MED27: variants seen among roughly 807,000 people sequenced by gnomAD.
The protein encoded by MED27 is mediator of RNA polymerase II transcription subunit 27.
MED27 carries 30 observed loss-of-function variants against 38.2 expected under a neutral mutation model. The observed-to-expected ratio is 0.79, with a 90% confidence interval of 0.59 to 1.07. The LOEUF (loss-of-function observed/expected upper bound fraction) is 1.07, where lower values mean the gene tolerates loss of function less well. MED27 is among the 50% of genes least tolerant of loss of function. The probability of loss-of-function intolerance (pLI) is 0.00; values close to 1 mark genes in which losing one functional copy is unlikely to be tolerated. For missense variants in MED27, 289 were observed against 397.5 expected (o/e 0.73, Z 2.32); for synonymous variants, 122 against 153.5 (o/e 0.79, Z 1.52).
chr9:131,966,555 A>T (rs1831354992), intron 3 of MED27, among the ~76,000 whole-genome samples: 1 of 152,024 alleles, frequency 6.6e-6, no homozygotes, highest in South Asian at 2.1e-4. Context: ...AACATAAAAA[A>T]CAACAAGTTT....
At chr9:131,922,894 G>GT (rs1179628308) in intron 4 of MED27, among the ~76,000 whole-genome samples, 1 of 152,092 alleles carries the variant, frequency 6.6e-6, no homozygotes, top group Non-Finnish European at 1.5e-5. Flanking sequence ...GATTACAGGC[G>GT]TGAACCACCG....
chr9:132,068,080 A>C (rs1286394359), intron 2 of MED27, among the ~76,000 whole-genome samples: 3 of 152,114 alleles, frequency 2.0e-5, no homozygotes, highest in African/African-American at 7.2e-5. Flanking sequence ...CCCCCCGCAA[A>C]AAGGGGGGAG....
In MED27 at chr9:132,027,902, G is replaced by A. The variant is rs187787167; in HGVS notation, c.349-13435C>T. Among the ~76,000 whole-genome samples the A allele has an allele frequency of 5.3e-5, 8 of 152,304 alleles. No individual in the cohort carries two copies. In the East Asian group the frequency reaches 1.2e-3, roughly 22 times the overall value. On this transcript the variant is annotated intron_variant, in intron 2 of 7. Transcript: ENST00000292035. ...AGGAGCTGTGAACCTGTGCCAGGCC[G>A]TGGAGGGTGAGTGTACTGGGCACAG... is the stretch of plus-strand genomic sequence containing the variant.
Position 132,076,539 on chromosome 9 carries a change from G to GA in MED27, c.348+902dup, listed in dbSNP as rs1046553813. 7.9e-5 allele frequency among the ~76,000 whole-genome samples: 12 copies of GA among 151,736 alleles called. No homozygotes were observed. The East Asian group carries it at 1.4e-3, about 17-fold the overall frequency. ...TTAGCTCTTACTCAAGACCTAAGGG[G>GA]AAAAAAAACCACAGAAACGAGGAAA... On this transcript the variant is annotated intron_variant, in intron 2 of 7. Transcript: ENST00000292035.
intron 4 of MED27, among the ~76,000 whole-genome samples, chr9:131,916,004 C>G (rs1217865426): frequency 6.6e-6 from 1 of 152,130 alleles, no homozygotes; most frequent in African/African-American, 2.4e-5. Context: ...TTATTAAAAT[C>G]CAATATAATA....
chr9:131,964,338 G>A (rs1303559941), intron 3 of MED27, among the ~76,000 whole-genome samples: 219 of 147,654 alleles, frequency 1.5e-3, no homozygotes, highest in African/African-American at 5.4e-3. Context: ...GGTGATGGTG[G>A]TGGTGGTGGA....
chr9:131,870,444 G>A (rs1838811939), intron 6 of MED27, among the ~76,000 whole-genome samples: 1 of 152,218 alleles, frequency 6.6e-6, no homozygotes, highest in Non-Finnish European at 1.5e-5. Flanking sequence ...GAATCCCCAC[G>A]ATGACCTTAT....
chr9:131,944,009 C>A (rs547876645), intron 3 of MED27, among the ~76,000 whole-genome samples: 1 of 152,178 alleles, frequency 6.6e-6, no homozygotes, highest in Non-Finnish European at 1.5e-5. Context: ...AGACTCTCAA[C>A]GGTTTCCAAT....
In MED27 at chr9:132,062,172, T is replaced by C. The variant is rs577923339; in HGVS notation, c.348+15270A>G. ...AAGCTACTCATCTAACTGAAAGTGT[T>C]TTGTTAGTTTGTTTTCTTCTGATGG... On this transcript the variant is annotated intron_variant, in intron 2 of 7. Transcript: ENST00000292035. 5.7e-4 allele frequency among the ~76,000 whole-genome samples: 87 copies of C among 152,348 alleles called. 1 individual carries two copies. Among genetic ancestry groups the C allele is most frequent in the Admixed American group, 5.6e-3 (86 of 15,306 alleles).
intron 5 of MED27, among the ~76,000 whole-genome samples, chr9:131,892,974 CT>C (rs1839253666): frequency 6.6e-6 from 1 of 152,238 alleles, no homozygotes; most frequent in Non-Finnish European, 1.5e-5. Context: ...TGCTGGGTTA[CT>C]TGTTCAAAAC....
At chr9:132,057,251 A>G (rs1213756504) in intron 2 of MED27, among the ~76,000 whole-genome samples, 1 of 152,182 alleles carries the variant, frequency 6.6e-6, no homozygotes, top group East Asian at 1.9e-4. Flanking sequence ...GTGCTTGGCC[A>G]TCCAGAGCTG....
intron 4 of MED27, among the ~76,000 whole-genome samples, chr9:131,909,002 G>C (rs1294184019): frequency 6.6e-6 from 1 of 152,082 alleles, no homozygotes; most frequent in African/African-American, 2.4e-5. Flanking sequence ...AAATGCCTCT[G>C]ACAATAGCAG....
Position 131,861,767 on chromosome 9 carries a change from CTT to C in MED27, c.802-1097_802-1096del, listed in dbSNP as rs66880335. ...AGTGCTGTGACAGATGTAAATGGTT[CTT>C]TTTTTTTTTTTTTTTTTTTATGAGA... is the stretch of plus-strand genomic sequence containing the variant. On this transcript the variant is annotated intron_variant, in intron 7 of 7. Coordinates refer to ENST00000292035, the MANE Select transcript of MED27 (RefSeq NM_004269.4). The surrounding 1 kb of genome is among the most constrained non-coding windows in gnomAD (Gnocchi z 4.4). Among the ~76,000 whole-genome samples the C allele has an allele frequency of 2.6e-3, 382 of 145,202 alleles. 3 individuals are homozygous for C. The highest frequency in any genetic ancestry group is 0.011 in the Middle Eastern group (3 of 284).
intron 2 of MED27, among the ~76,000 whole-genome samples, chr9:132,062,643 G>A (rs1013196301): frequency 6.6e-6 from 1 of 151,384 alleles, no homozygotes; most frequent in Non-Finnish European, 1.5e-5. Context: ...AAACAGACAG[G>A]GTCTCATTCT....
chr9:131,926,512 G>A (rs1352230538), intron 4 of MED27, among the ~76,000 whole-genome samples: 1 of 152,228 alleles, frequency 6.6e-6, no homozygotes, highest in African/African-American at 2.4e-5. Context: ...AGCCGTCCTG[G>A]CCTCCTGGGT....
intron 2 of MED27, among the ~76,000 whole-genome samples, chr9:132,072,553 T>C (rs928902020): frequency 1.3e-5 from 2 of 152,096 alleles, no homozygotes; most frequent in African/African-American, 4.8e-5. Flanking sequence ...TCCCACGGTA[T>C]CCAGGGTTTG....
intron 3 of MED27, among the ~76,000 whole-genome samples, chr9:132,004,868 A>T (rs1457476216): frequency 6.6e-6 from 1 of 152,214 alleles, no homozygotes; most frequent in African/African-American, 2.4e-5. Context: ...GGACTCATTC[A>T]TTCAACCAAC....
chr9:131,923,772 G>A (rs1830436647), intron 4 of MED27, among the ~76,000 whole-genome samples: 1 of 152,084 alleles, frequency 6.6e-6, no homozygotes, highest in African/African-American at 2.4e-5. Flanking sequence ...CAATTTCTCT[G>A]CTTCAGGTTT....
intron 3 of MED27, among the ~76,000 whole-genome samples, chr9:131,973,297 T>C (rs962224355): frequency 6.6e-6 from 1 of 152,174 alleles, no homozygotes; most frequent in African/African-American, 2.4e-5. Context: ...CCTGAGCAGG[T>C]TGACACTATC....
Sources: gnomAD v4.1 joint callset for allele counts (sites outside exome capture counted in the v4.1 genomes callset) on GRCh38, gnomAD v4.1.1 for gene constraint, Gnocchi (gnomAD v3.1) non-coding constraint, MANE v1.5 for transcripts, NCBI Gene and HGNC (gene_info 2026-07-23, HGNC 2026-07-21) for gene names.